RFT1: variants seen among roughly 807,000 people sequenced by gnomAD.
RFT1 encodes RFT1 glycolipid translocator homolog.
In RFT1, 43 loss-of-function variants were observed where a neutral mutation model predicts 62.2. The ratio of observed to expected loss-of-function variants is 0.69; its 90% CI spans 0.54 to 0.89. The LOEUF (loss-of-function observed/expected upper bound fraction) is 0.89. RFT1 is among the 40% of genes least tolerant of loss of function. RFT1 has a pLI of 0.00. For missense variants in RFT1, 605 were observed against 649.9 expected (o/e 0.93, Z 0.75); for synonymous variants, 262 against 264.6 (o/e 0.99, Z 0.10).
intron 11 of RFT1, among the ~76,000 whole-genome samples, chr3:53,094,837 A>T (rs980526190): frequency 1.3e-5 from 2 of 151,968 alleles, no homozygotes; most frequent in Non-Finnish European, 2.9e-5. Flanking sequence ...ATCTGAGAGG[A>T]GCTGATGATG....
intron 8 of RFT1, among the ~76,000 whole-genome samples, chr3:53,106,358 G>A (rs1392344152): frequency 1.3e-5 from 2 of 152,172 alleles, no homozygotes; most frequent in Non-Finnish European, 2.9e-5. Flanking sequence ...GGATACCAAC[G>A]ATGATACAGT....
intron 4 of RFT1, among the ~76,000 whole-genome samples, chr3:53,122,105 C>A (rs1701985711): frequency 6.6e-6 from 1 of 152,066 alleles, no homozygotes; most frequent in African/African-American, 2.4e-5. Flanking sequence ...ATCTGAAAAA[C>A]CTTTACGGTC....
In RFT1 at chr3:53,129,561, G is replaced by C. The variant is rs1173019280; in HGVS notation, c.63+777C>G. Among the ~76,000 whole-genome samples, 5 of 152,092 alleles carry C rather than the reference G, an allele frequency of 3.3e-5. No individual in the cohort carries two copies. The East Asian group carries it at 9.6e-4, about 29-fold the overall frequency. On this transcript the variant is annotated intron_variant, in intron 1 of 12. Coordinates refer to ENST00000296292, the MANE Select transcript of RFT1 (RefSeq NM_052859.4). ...GATTGGCTCAAGAGTGAGACAGAGA[G>C]ATACTGAGCCACTTGACTTAAGAGG... is the stretch of plus-strand genomic sequence containing the variant.
downstream of RFT1, among the ~76,000 whole-genome samples, chr3:53,086,561 C>CAAG: frequency 6.6e-6 from 1 of 152,206 alleles, no homozygotes; most frequent in South Asian, 2.1e-4. Flanking sequence ...GGCGATCCAC[C>CAAG]TGCCTCGGCC....
the RFT1 span, among the ~76,000 whole-genome samples, chr3:53,080,754 G>A: frequency 2.0e-5 from 3 of 152,170 alleles, no homozygotes; most frequent in Non-Finnish European, 4.4e-5. Flanking sequence ...ATTTTTAGAT[G>A]AGTAAACTGA....
intron 11 of RFT1, among the ~76,000 whole-genome samples, chr3:53,093,984 A>G (rs538558023): frequency 6.6e-6 from 1 of 152,280 alleles, no homozygotes; most frequent in South Asian, 2.1e-4. Context: ...ACTGCACTCC[A>G]GCCTGGGCAA....
intron 6 of RFT1, among the ~76,000 whole-genome samples, chr3:53,118,943 G>A (rs1334294854): frequency 6.6e-6 from 1 of 152,174 alleles, no homozygotes; most frequent in African/African-American, 2.4e-5. Flanking sequence ...GAGGCCGGGC[G>A]TGGTGGCTCA....
At chr3:53,074,018 G>T in the RFT1 span, among the ~76,000 whole-genome samples, 1 of 152,202 alleles carries the variant, frequency 6.6e-6, no homozygotes, top group Non-Finnish European at 1.5e-5. Flanking sequence ...GCGGGGCCCC[G>T]GTGAGGCAGG....
chr3:53,103,970 A>G lies in RFT1; in HGVS notation c.1085T>C (p.Met362Thr), dbSNP rs1701389862. The change falls in exon 10 of 13, where the codon ATG becomes ACG. Residue 362 changes from methionine to threonine, a missense_variant. By Grantham distance (81) the Met-to-Thr change is moderately conservative (BLOSUM62 -1). Coordinates refer to ENST00000296292, the MANE Select transcript of RFT1 (RefSeq NM_052859.4). ...QLALDIYGGT[M>T]LSSGSGPVLL... The stretch of plus-strand genomic sequence containing the variant: ...GTGCGTACCGGATCCTGAGCTAAGC[A>G]TGGTCCCTCCGTAGATATCCAGAGC... The G allele has an allele frequency of 1.2e-6, 2 of 1,614,248 alleles. No homozygotes were observed. The highest frequency in any genetic ancestry group is 1.1e-5 in the South Asian group (1 of 91,090).
At chr3:53,116,984 G>T (rs60993884) in intron 6 of RFT1, among the ~76,000 whole-genome samples, 6,954 of 152,162 alleles carry the variant, frequency 0.046, 558 homozygotes, top group African/African-American at 0.16. Flanking sequence ...AACTACTATG[G>T]GCAATAAGCC....
At chr3:53,071,185 AT>A in the RFT1 span, among the ~76,000 whole-genome samples, 1 of 152,026 alleles carries the variant, frequency 6.6e-6, no homozygotes, top group Non-Finnish European at 1.5e-5. Context: ...CAGCCTAAAA[AT>A]TTTTTTTGAA....
the RFT1 span, among the ~76,000 whole-genome samples, chr3:53,077,535 C>T: frequency 6.6e-6 from 1 of 152,276 alleles, no homozygotes; most frequent in Non-Finnish European, 1.5e-5. Context: ...GGCAGAGCCC[C>T]TTCCTCGGCT....
intron 10 of RFT1, among the ~76,000 whole-genome samples, chr3:53,100,955 A>G (rs34454739): frequency 0.56 from 78,488 of 139,672 alleles, 21,919 homozygotes; most frequent in East Asian, 0.74. Flanking sequence ...CAACAAAGGG[A>G]GAAAAAAAAC....
At chr3:53,127,748 C>A (rs901096567) in intron 1 of RFT1, among the ~76,000 whole-genome samples, 3 of 151,670 alleles carry the variant, frequency 2.0e-5, no homozygotes, top group Non-Finnish European at 4.4e-5. Context: ...CCAGCCTGGG[C>A]AACACAGTGA....
rs559047059 is a variant in RFT1 at position 53,127,607 on chromosome 3, C to T, written c.64-1613G>A. Among the ~76,000 whole-genome samples, 343 of 148,770 alleles carry T rather than the reference C, an allele frequency of 2.3e-3. 1 individual carries two copies. The highest frequency in any genetic ancestry group is 7.6e-3 in the African/African-American group (306 of 40,240). Reference sequence around the variant, plus strand: ...GTCCCAGCTACTCGGGAGGCTGAGGCAGGAGAATGGCGTGAAGCCTGGGCG... The same window carrying T: ...GTCCCAGCTACTCGGGAGGCTGAGGTAGGAGAATGGCGTGAAGCCTGGGCG... On this transcript the variant is annotated intron_variant, in intron 1 of 12. Coordinates refer to ENST00000296292, the MANE Select transcript of RFT1 (RefSeq NM_052859.4).
rs1372132624 is a variant in RFT1, at chr3:53,123,857, GA to G, written c.150-18del. On this transcript the variant is annotated intron_variant, in intron 2 of 12. Coordinates refer to ENST00000296292, the MANE Select transcript of RFT1 (RefSeq NM_052859.4). ...AGCGTTAGTCTGTAAATGAAAGGGA[GA>G]AATCAATAAGGTCTCAAGTTTTTTC... 2 of 1,590,976 alleles carry G rather than the reference GA, an allele frequency of 1.3e-6. No individual in the cohort carries two copies. Among genetic ancestry groups the G allele is most frequent in the Admixed American group, 3.3e-5 (2 of 59,978 alleles).
the RFT1 span, among the ~76,000 whole-genome samples, chr3:53,079,322 C>A: frequency 6.6e-6 from 1 of 152,224 alleles, no homozygotes; most frequent in Non-Finnish European, 1.5e-5. Flanking sequence ...GGCCTCACAC[C>A]TTCCCCAAGG....
intron 11 of RFT1, among the ~76,000 whole-genome samples, chr3:53,093,674 A>C (rs990793389): frequency 2.0e-5 from 3 of 152,078 alleles, no homozygotes; most frequent in African/African-American, 7.2e-5. Context: ...TGAGGCCAGG[A>C]GTTCGAGATC....
At chr3:53,097,913 T>C (rs901969256) in intron 11 of RFT1, among the ~76,000 whole-genome samples, 1 of 152,252 alleles carries the variant, frequency 6.6e-6, no homozygotes, top group Non-Finnish European at 1.5e-5. Context: ...TTTAACTATC[T>C]GAGGTGAAAA....
Sources: gnomAD v4.1 joint callset for allele counts (sites outside exome capture counted in the v4.1 genomes callset) on GRCh38, gnomAD v4.1.1 for gene constraint, MANE v1.5 for transcripts, NCBI Gene and HGNC (gene_info 2026-07-23, HGNC 2026-07-21) for gene names.